RYR3: variants seen among roughly 807,000 people sequenced by gnomAD.
RYR3 encodes brain ryanodine receptor-calcium release channel.
A neutral mutation model predicts 584.3 loss-of-function variants in RYR3; 207 were observed. The ratio of observed to expected loss-of-function variants is 0.35; its 90% CI spans 0.32 to 0.40. The LOEUF is 0.40. Among genes scored for constraint, RYR3 ranks in the 10% least tolerant of loss-of-function variants. The probability of loss-of-function intolerance (pLI) is 1.00; values close to 1 mark genes in which losing one functional copy is unlikely to be tolerated. For missense variants in RYR3, 5,616 were observed against 6,089.2 expected (o/e 0.92, Z 2.59); for synonymous variants, 2,416 against 2,248.5 (o/e 1.07, Z -2.11).
intron 45 of RYR3, 44 bp downstream of exon 45, chr15:33,724,220 C>A: frequency 2.9e-6 from 3 of 1,051,936 alleles, no homozygotes; most frequent in East Asian, 2.5e-5. Flanking sequence ...GAAACCTATG[C>A]CAAGAACACT....
chr15:33,771,718 A>G (rs2073589452), intron 62 of RYR3, among the ~76,000 whole-genome samples: 4 of 152,120 alleles, frequency 2.6e-5, no homozygotes, highest in African/African-American at 4.8e-5. Context: ...TTTTCCTCAG[A>G]CTGTCCAGTG....
intron 100 of RYR3, 23 bp downstream of exon 100, chr15:33,859,754 G>GT: frequency 6.3e-7 from 1 of 1,591,672 alleles, no homozygotes; most frequent in Admixed American, 1.8e-5. Flanking sequence ...ATTGTGTTGA[G>GT]TATGAACAGG....
intron 42 of RYR3, 63 bp from the exon 43 acceptor site, chr15:33,706,856 G>A: frequency 1.4e-6 from 2 of 1,469,248 alleles, no homozygotes; most frequent in Middle Eastern, 3.6e-4. Flanking sequence ...TATTTTTTGA[G>A]GTGTGTTTTT....
chr15:33,687,439 C>A (rs2065091822), intron 38 of RYR3, among the ~76,000 whole-genome samples: 1 of 152,172 alleles, frequency 6.6e-6, no homozygotes, highest in African/African-American at 2.4e-5. Flanking sequence ...GAAGAACATT[C>A]CATGCTCATG....
At chr15:33,327,671 T>C (rs939534665) in intron 1 of RYR3, among the ~76,000 whole-genome samples, 1 of 152,208 alleles carries the variant, frequency 6.6e-6, no homozygotes, top group African/African-American at 2.4e-5. Context: ...CTAGACTGAA[T>C]AGCTCCCTGG....
intron 12 of RYR3, among the ~76,000 whole-genome samples, chr15:33,573,321 A>G (rs544368940): frequency 6.6e-5 from 10 of 152,314 alleles, no homozygotes; most frequent in African/African-American, 2.2e-4. Context: ...CTTCTTTCCC[A>G]TCTCTTTTGA....
intron 103 of RYR3, 30 bp from the exon 104 acceptor site, chr15:33,865,101 A>G: frequency 1.3e-6 from 2 of 1,564,150 alleles, no homozygotes; most frequent in Non-Finnish European, 1.8e-6. Flanking sequence ...GTGGTTTAAA[A>G]ATAAGCACCC....
At chr15:33,774,809 A>G (rs1596530896) in intron 64 of RYR3, among the ~76,000 whole-genome samples, 1 of 152,206 alleles carries the variant, frequency 6.6e-6, no homozygotes, top group Non-Finnish European at 1.5e-5. Flanking sequence ...AGTTTTATCC[A>G]TATTTTATAC....
Position 33,634,847 on chromosome 15 carries a change from GA to G in RYR3, c.3175+116del. On this transcript the variant is annotated intron_variant, in intron 25 of 103. Coordinates refer to ENST00000634891, the MANE Select transcript of RYR3 (RefSeq NM_001036.6). The stretch of plus-strand genomic sequence containing the variant: ...TACTATTGGAAATAGTATTGGGGCT[GA>G]AGAGCACTAGACTAAATGGTGTGAT... 1.1e-5 allele frequency: 9 copies of G among 846,324 alleles called. No homozygotes were observed. The South Asian group carries it at 1.4e-4, about 14-fold the overall frequency. The allele number at this position is 846,324 out of a possible 1,614,324, so 52.4% of individuals were successfully genotyped here. A position where few individuals can be genotyped will look rare whatever the true frequency, so the allele number is the denominator to read the frequency against.
At chr15:33,363,014 T>C (rs541833532) in intron 1 of RYR3, among the ~76,000 whole-genome samples, 15 of 152,310 alleles carry the variant, frequency 9.8e-5, no homozygotes, top group Admixed American at 5.2e-4. Flanking sequence ...CTGTGTGTTA[T>C]ATACTTCTTC....
chr15:33,444,618 T>C (rs2046479744), intron 1 of RYR3, among the ~76,000 whole-genome samples: 1 of 152,028 alleles, frequency 6.6e-6, no homozygotes, highest in Admixed American at 6.6e-5. Flanking sequence ...ATATTAGCAA[T>C]GGTGTGAGGA....
intron 1 of RYR3, among the ~76,000 whole-genome samples, chr15:33,366,943 AG>A (rs1237548268): frequency 1.3e-5 from 2 of 152,228 alleles, no homozygotes; most frequent in Non-Finnish European, 2.9e-5. Flanking sequence ...CTCCATCTCT[AG>A]GGGAAAACAG....
intron 65 of RYR3, among the ~76,000 whole-genome samples, chr15:33,783,455 T>C (rs2152905151): frequency 6.6e-6 from 1 of 152,322 alleles, no homozygotes; most frequent in Non-Finnish European, 1.5e-5. Flanking sequence ...ACACCCTGAA[T>C]CACAAATGTT....
intron 39 of RYR3, 102 bp downstream of exon 39, chr15:33,696,593 C>G (rs1458947962): frequency 1.6e-6 from 2 of 1,269,692 alleles, no homozygotes; most frequent in African/African-American, 1.5e-5. Context: ...CATATTAAAT[C>G]TTTGTGTGAA....
In RYR3 at chr15:33,388,553, C is replaced by T. The variant is rs568875674; in HGVS notation, c.51+77457C>T. Among the ~76,000 whole-genome samples the T allele has an allele frequency of 2.0e-5, 3 of 152,126 alleles. No homozygotes were observed. In the South Asian group the frequency reaches 6.2e-4, roughly 32 times the overall value. On this transcript the variant is annotated intron_variant, in intron 1 of 103. Transcript: ENST00000634891. ...TCCTAGATCATATAAGGAAGCAATA[C>T]AAACATTGCAAGAATGAAGACAAGG...
At chr15:33,387,758 T>TA (rs778400942) in intron 1 of RYR3, among the ~76,000 whole-genome samples, 2 of 151,828 alleles carry the variant, frequency 1.3e-5, no homozygotes, top group Non-Finnish European at 2.9e-5. Context: ...CAAAATGCTC[T>TA]AAAAAAAGGA....
In RYR3 at chr15:33,311,322, C is replaced by T. The variant is rs911244741; in HGVS notation, c.51+226C>T. On this transcript the variant is annotated intron_variant, in intron 1 of 103. Coordinates refer to ENST00000634891, the MANE Select transcript of RYR3 (RefSeq NM_001036.6). The surrounding 1 kb of genome is among the most constrained non-coding windows in gnomAD (Gnocchi z 4.4). ...CCTCTCCCTTGTTCCCCTACCGCCA[C>T]CCCTGCCCCAGGCCCTCCACCTAGG... 1.3e-5 allele frequency among the ~76,000 whole-genome samples: 2 copies of T among 152,212 alleles called. No homozygotes were observed. Among genetic ancestry groups the T allele is most frequent in the African/African-American group, 2.4e-5 (1 of 41,474 alleles).
intron 60 of RYR3, among the ~76,000 whole-genome samples, chr15:33,758,437 G>C (rs1198790973): frequency 6.6e-6 from 1 of 152,164 alleles, no homozygotes; most frequent in Non-Finnish European, 1.5e-5. Context: ...GTCGACCTGG[G>C]ACACTCGGGC....
intron 70 of RYR3, 102 bp from the exon 71 acceptor site, chr15:33,810,377 A>G (rs1742267311): frequency 2.5e-6 from 3 of 1,181,404 alleles, no homozygotes; most frequent in Non-Finnish European, 3.7e-6. Context: ...GGCCCACCCT[A>G]TACTGACAGG....
Sources: gnomAD v4.1 joint callset for allele counts (sites outside exome capture counted in the v4.1 genomes callset) on GRCh38, gnomAD v4.1.1 for gene constraint, Gnocchi (gnomAD v3.1) non-coding constraint, MANE v1.5 for transcripts, NCBI Gene and HGNC (gene_info 2026-07-23, HGNC 2026-07-21) for gene names.